Variants in CEP128 observed in about 807,000 individuals in gnomAD.
CEP128 encodes centrosomal protein 128kDa.
CEP128 carries 132 observed loss-of-function variants against 156.7 expected under a neutral mutation model. The observed-to-expected ratio is 0.84, with a 90% CI of 0.73 to 0.97. The LOEUF (loss-of-function observed/expected upper bound fraction) is 0.97. Ranked by LOEUF, CEP128 falls within the 50% of genes least tolerant of loss-of-function variation. CEP128 has a pLI of 0.00. For synonymous variants in CEP128, 469 were observed against 448.9 expected, an observed-to-expected ratio of 1.04 and a Z score of -0.57; for missense variants, 1,252 against 1,281.9, an observed-to-expected ratio of 0.98 and a Z score of 0.36.
At chr14:80,846,392 C>A (rs1464313881) in intron 9 of CEP128, among the ~76,000 whole-genome samples, 1 of 152,006 alleles carries the variant, frequency 6.6e-6, no homozygotes, top group Non-Finnish European at 1.5e-5. Context: ...AATGACTCTT[C>A]AAGAACCTAG....
At chr14:80,852,932 A>AT (rs1401265516) in intron 9 of CEP128, among the ~76,000 whole-genome samples, 1 of 151,944 alleles carries the variant, frequency 6.6e-6, no homozygotes, top group Non-Finnish European at 1.5e-5. Flanking sequence ...TCAGCAATGT[A>AT]TAAAAAAAAA....
intron 9 of CEP128, among the ~76,000 whole-genome samples, chr14:80,841,956 A>T (rs1886366985): frequency 6.6e-6 from 1 of 152,054 alleles, no homozygotes; most frequent in African/African-American, 2.4e-5. Context: ...CCTCAAAAAA[A>T]TTAAATTAAA....
chr14:80,576,564 AC>A (rs573574668), intron 20 of CEP128, among the ~76,000 whole-genome samples: 18 of 148,116 alleles, frequency 1.2e-4, no homozygotes, highest in Admixed American at 4.1e-4. Context: ...CTGAGGCTCC[AC>A]CCCCCCTGCC....
chr14:80,595,253 T>C (rs1272078427), intron 19 of CEP128, among the ~76,000 whole-genome samples: 1 of 152,006 alleles, frequency 6.6e-6, no homozygotes. Flanking sequence ...TTCTCACTCA[T>C]AAGTTGGAGT....
chr14:80,756,394 T>C (rs113037033), intron 18 of CEP128, among the ~76,000 whole-genome samples: 1 of 152,182 alleles, frequency 6.6e-6, no homozygotes, highest in African/African-American at 2.4e-5. Context: ...CACCCATGTC[T>C]TACTCACCAA....
chr14:80,678,487 A>G (rs1896181177), intron 19 of CEP128, among the ~76,000 whole-genome samples: 1 of 152,154 alleles, frequency 6.6e-6, no homozygotes, highest in Admixed American at 6.5e-5. Context: ...GGAAACAGCA[A>G]CGTAGTGCAT....
chr14:80,740,281 T>C lies in CEP128; in HGVS notation c.2806+2794A>G, dbSNP rs529193161. ...AGCAAAACATTAAAAAATCACTGCC[T>C]TCATAGAAACTCTATGCTAGGTGAT... On this transcript the variant is annotated intron_variant, in intron 19 of 24. Coordinates refer to ENST00000555265, the MANE Select transcript of CEP128 (RefSeq NM_152446.5). Among the ~76,000 whole-genome samples the C allele has an allele frequency of 2.6e-5, 4 of 152,240 alleles. No individual in the cohort carries two copies. In the South Asian group the frequency reaches 8.3e-4, roughly 32 times the overall value.
chr14:80,872,428 C>T (rs141352185), intron 8 of CEP128, among the ~76,000 whole-genome samples: 2 of 152,150 alleles, frequency 1.3e-5, no homozygotes, highest in Non-Finnish European at 2.9e-5. Context: ...ACAGCAACCA[C>T]AACTTTTTGT....
chr14:80,485,196 C>T (rs1482874333), intron 14 of CEP128, among the ~76,000 whole-genome samples: 1 of 152,118 alleles, frequency 6.6e-6, no homozygotes, highest in Non-Finnish European at 1.5e-5. Flanking sequence ...TTTTCACATA[C>T]ATACACACAA....
intron 19 of CEP128, among the ~76,000 whole-genome samples, chr14:80,628,673 GT>G (rs1893835640): frequency 6.6e-6 from 1 of 152,090 alleles, no homozygotes; most frequent in South Asian, 2.1e-4. Context: ...CTGAAACCTG[GT>G]CAATGAGAGT....
In CEP128 at chr14:80,566,743, C is replaced by T. The variant is rs535935802; in HGVS notation, c.2857-7441G>A. On this transcript the variant is annotated intron_variant, in intron 20 of 24. Coordinates refer to ENST00000555265, the MANE Select transcript of CEP128 (RefSeq NM_152446.5). ...CCCAATCATCCTGTGTTCACTGTAA[C>T]CATCATTAGATACCTGTAGTCAATT... Among the ~76,000 whole-genome samples, 8 of 152,282 alleles carry T rather than the reference C, an allele frequency of 5.3e-5. No individual in the cohort carries two copies. In the East Asian group the frequency reaches 1.5e-3, roughly 29 times the overall value.
chr14:80,616,371 T>G (rs550632519), intron 19 of CEP128, among the ~76,000 whole-genome samples: 13 of 152,332 alleles, frequency 8.5e-5, no homozygotes, highest in African/African-American at 3.1e-4. Flanking sequence ...CATGTCATTA[T>G]ATAGAGATGA....
At chr14:80,740,517 GA>G (rs1898769004) in intron 19 of CEP128, among the ~76,000 whole-genome samples, 1 of 136,550 alleles carries the variant, frequency 7.3e-6, no homozygotes, top group African/African-American at 2.6e-5. Flanking sequence ...TAGATAGATA[GA>G]TAGATAGATA....
chr14:80,573,765 C>A (rs1346645253), intron 20 of CEP128, among the ~76,000 whole-genome samples: 1 of 152,152 alleles, frequency 6.6e-6, no homozygotes, highest in East Asian at 1.9e-4. Context: ...TCTGGTGTAA[C>A]TTTGTACCAA....
In CEP128 at chr14:80,797,897, A is replaced by G. The variant is rs77300570; in HGVS notation, c.1210-4787T>C. On this transcript the variant is annotated intron_variant, in intron 13 of 24. Coordinates refer to ENST00000555265, the MANE Select transcript of CEP128 (RefSeq NM_152446.5). Reference sequence around the variant, plus strand: ...AAGCATTTTACTTATTTATTCCATTATAATGATTTTCAGTTCTATTATTAC... The same window carrying G: ...AAGCATTTTACTTATTTATTCCATTGTAATGATTTTCAGTTCTATTATTAC... 6.0e-3 allele frequency among the ~76,000 whole-genome samples: 908 copies of G among 152,304 alleles called. 9 individuals carry two copies. Among genetic ancestry groups the G allele is most frequent in the African/African-American group, 0.021 (871 of 41,568 alleles).
chr14:80,686,167 T>C (rs1319852932), intron 19 of CEP128, among the ~76,000 whole-genome samples: 1 of 151,980 alleles, frequency 6.6e-6, no homozygotes, highest in Non-Finnish European at 1.5e-5. Context: ...AGACAATCTA[T>C]AGAATGGGAG....
chr14:80,943,626 G>A (rs1446901156), upstream of CEP128, among the ~76,000 whole-genome samples: 1 of 152,190 alleles, frequency 6.6e-6, no homozygotes, highest in Non-Finnish European at 1.5e-5. Context: ...GCTTAAATAT[G>A]TTACTAAATT....
chr14:80,583,814 G>A (rs1891690692), intron 19 of CEP128, among the ~76,000 whole-genome samples: 1 of 152,098 alleles, frequency 6.6e-6, no homozygotes, highest in African/African-American at 2.4e-5. Context: ...AAGTCTCCAG[G>A]GATGTAGTTG....
intron 13 of CEP128, 160 bp downstream of exon 13, chr14:80,830,983 T>G (rs1362094533): frequency 3.2e-6 from 2 of 632,906 alleles, no homozygotes; most frequent in Non-Finnish European, 5.4e-6. Context: ...CCCATAGGAA[T>G]TTCTACATAT....
Sources: gnomAD v4.1 joint callset for allele counts (sites outside exome capture counted in the v4.1 genomes callset) on GRCh38, gnomAD v4.1.1 for gene constraint, MANE v1.5 for transcripts, NCBI Gene and HGNC (gene_info 2026-07-23, HGNC 2026-07-21) for gene names.